The following ZNF780B variants were observed in gnomAD, a reference collection of about 807,000 sequenced individuals.
ZNF780B encodes zinc finger protein 779.
ZNF780B carries 52 observed loss-of-function variants against 74.1 expected under a neutral mutation model. The ratio of observed to expected loss-of-function variants is 0.70; its 90% CI spans 0.56 to 0.88. The LOEUF (loss-of-function observed/expected upper bound fraction) is 0.88, where lower values mean the gene tolerates loss of function less well. ZNF780B is among the 40% of genes least tolerant of loss of function. The pLI, the probability that ZNF780B is intolerant of heterozygous loss-of-function variation, is 0.00. For missense variants in ZNF780B, 953 were observed against 1,007.6 expected (o/e 0.95, Z 0.73); for synonymous variants, 315 against 324.3 (o/e 0.97, Z 0.31).
chr19:40,039,146 C>A lies in ZNF780B; in HGVS notation c.233-2520G>T, dbSNP rs1324535847. 6.8e-4 allele frequency among the ~76,000 whole-genome samples: 103 copies of A among 151,586 alleles called. No individual in the cohort carries two copies. The Middle Eastern group carries it at 0.014, about 20-fold the overall frequency. On this transcript the variant is annotated intron_variant, in intron 4 of 4. Coordinates refer to ENST00000434248, the MANE Select transcript of ZNF780B (RefSeq NM_001005851.3). ...TCTACATATGGCTAGCCAGTTTTCC[C>A]AGCACCATTTATTAAATAGGGAATC...
chr19:40,037,138 T>A (rs543824616), intron 4 of ZNF780B, among the ~76,000 whole-genome samples: 2 of 152,062 alleles, frequency 1.3e-5, no homozygotes, highest in East Asian at 3.9e-4. Flanking sequence ...TGGTCTGGAA[T>A]GCCTAACATC....
chr19:40,052,029 T>C (rs1973252171), intron 1 of ZNF780B, among the ~76,000 whole-genome samples: 1 of 152,242 alleles, frequency 6.6e-6, no homozygotes, highest in Admixed American at 6.5e-5. Flanking sequence ...TTTATAGACA[T>C]CATTTTATTA....
At chr19:40,050,497 C>T (rs1973170752) in intron 1 of ZNF780B, 120 bp from the exon 2 acceptor site, 1 of 982,880 alleles carries the variant, frequency 1.0e-6, no homozygotes, top group Non-Finnish European at 1.5e-6. Context: ...CGCACACTTC[C>T]ACCCTTCTCC....
chr19:40,037,663 A>C (rs1205562832), intron 4 of ZNF780B, among the ~76,000 whole-genome samples: 1 of 152,168 alleles, frequency 6.6e-6, no homozygotes. Flanking sequence ...TGAATGGTTT[A>C]TCTTTAGTCT....
At chr19:40,055,381 C>A (rs1003674965) in intron 1 of ZNF780B, 4 of 152,124 alleles carry the variant, frequency 2.6e-5, no homozygotes, top group African/African-American at 9.7e-5. Flanking sequence ...AAATCAAAAA[C>A]GCATTTCTTG....
intron 4 of ZNF780B, among the ~76,000 whole-genome samples, chr19:40,039,708 G>C (rs902824797): frequency 6.6e-6 from 1 of 152,182 alleles, no homozygotes; most frequent in East Asian, 1.9e-4. Flanking sequence ...TTGGCTCTCT[G>C]TTGGTCTGTT....
chr19:40,050,416 T>C, intron 1 of ZNF780B, 39 bp from the exon 2 acceptor site: 3 of 1,525,102 alleles, frequency 2.0e-6, no homozygotes, highest in Non-Finnish European at 2.7e-6. Flanking sequence ...TAAGTCAAGC[T>C]GTGTCCGAAA....
At chr19:40,050,292 C>T in intron 2 of ZNF780B, 32 bp downstream of exon 2, 1 of 1,594,480 alleles carries the variant, frequency 6.3e-7, no homozygotes. Flanking sequence ...TGAAAGTCAC[C>T]ATATTTCAAG....
chr19:40,056,194 T>C lies in ZNF780B; in HGVS notation c.-51A>G, dbSNP rs1207791599. On this transcript the variant is annotated 5_prime_UTR_variant, in exon 1 of 5. Transcript: ENST00000434248. The stretch of plus-strand genomic sequence containing the variant: ...CTAGGACGTGAAGACCTTACCCAGC[T>C]AGGTCGTCAACCCCAGGAGACAGGA... 1.3e-5 allele frequency: 2 copies of C among 152,270 alleles called. No homozygotes were observed. The highest frequency in any genetic ancestry group is 4.8e-5 in the African/African-American group (2 of 41,456). 9.4% of individuals were successfully genotyped at this position (152,270 alleles called of 1,614,324 possible). A position where few individuals can be genotyped will look rare whatever the true frequency, so the allele number is the denominator to read the frequency against.
chr19:40,047,969 A>G (rs1973012787), intron 3 of ZNF780B, among the ~76,000 whole-genome samples: 1 of 152,236 alleles, frequency 6.6e-6, no homozygotes, highest in South Asian at 2.1e-4. Context: ...GCATCCTTAG[A>G]CATTTACAGC....
chr19:40,053,558 A>G (rs1325253291), intron 1 of ZNF780B, among the ~76,000 whole-genome samples: 2 of 152,188 alleles, frequency 1.3e-5, no homozygotes, highest in Non-Finnish European at 2.9e-5. Flanking sequence ...CTACTACTGG[A>G]TATTTATCCA....
In ZNF780B at chr19:40,034,998, C is replaced by T; in HGVS notation, c.1861G>A (p.Ala621Thr). 2.5e-6 allele frequency: 4 copies of T among 1,614,022 alleles called. No homozygotes were observed. The South Asian group carries it at 3.3e-5, about 13-fold the overall frequency. The stretch of plus-strand genomic sequence containing the variant: ...TTAAGCTGGGTGTGAAGACTGAAGG[C>T]CTTGCCACATTCCTTACATTCAAAG... The part of the protein sequence containing the change: ...KPFECKECGK[A>T]FSLHTQLNHH... The change falls in exon 5 of 5, where the codon GCC becomes ACC. Residue 621 changes from alanine to threonine, a missense_variant. Ala to Thr is a moderately conservative substitution (Grantham distance 58). Coordinates refer to ENST00000434248, the MANE Select transcript of ZNF780B (RefSeq NM_001005851.3).
Position 40,050,314 on chromosome 19 carries a change from A to G in ZNF780B, c.9+10T>C, listed in dbSNP as rs1973154634. ...CACCATATTTCAAGAAGACAGAAAC[A>G]CCAACTTACATGGACCATGTTTCTA... On this transcript the variant is annotated intron_variant, in intron 2 of 4. Transcript: ENST00000434248. 1.3e-6 allele frequency: 2 copies of G among 1,596,958 alleles called. No individual in the cohort carries two copies.
At position 40,029,222 on chromosome 19, in the gene ZNF780B, T is replaced by C. The variant is rs1404722310; in HGVS notation, c.*5135A>G. 3 of 152,310 alleles carry C rather than the reference T, an allele frequency of 2.0e-5. No homozygotes were observed. Among genetic ancestry groups the C allele is most frequent in the Admixed American group, 6.5e-5 (1 of 15,286 alleles). 9.4% of individuals were successfully genotyped at this position (152,310 alleles called of 1,614,324 possible). A position where few individuals can be genotyped will look rare whatever the true frequency, so the allele number is the denominator to read the frequency against. On this transcript the variant is annotated 3_prime_UTR_variant, in exon 5 of 5. Transcript: ENST00000434248. ...ATCCCTCATACCCCAAGCTGGATGA[T>C]CACAATACCCTGTAAAAGGATGACA...
Position 40,029,991 on chromosome 19 carries a change from A to G in ZNF780B, c.*4366T>C, listed in dbSNP as rs1971962122. 1 of 152,226 alleles carries G rather than the reference A, an allele frequency of 6.6e-6. No homozygotes were observed. The highest frequency in any genetic ancestry group is 1.5e-5 in the Non-Finnish European group (1 of 68,038). 9.4% of individuals were successfully genotyped at this position (152,226 alleles called of 1,614,324 possible). ...AAACCCATCATAAATTGAAAACATC[A>G]TACACCATATGTGCATTTATGGTCT... On this transcript the variant is annotated 3_prime_UTR_variant, in exon 5 of 5. Coordinates refer to ENST00000434248, the MANE Select transcript of ZNF780B (RefSeq NM_001005851.3).
chr19:40,036,758 C>A (rs1972346349), intron 4 of ZNF780B, 132 bp from the exon 5 acceptor site: 3 of 585,770 alleles, frequency 5.1e-6, no homozygotes, highest in South Asian at 3.2e-5. Flanking sequence ...GAAAAGGGTG[C>A]CAATAATGAA....
rs761617991 is a variant in ZNF780B, at chr19:40,036,061, C to A, written c.798G>T (p.Gln266His). 6.2e-7 allele frequency: 1 copy of A among 1,613,150 alleles called. No individual in the cohort carries two copies. Among genetic ancestry groups the A allele is most frequent in the Non-Finnish European group, 8.5e-7 (1 of 1,179,604 alleles). The change falls in exon 5 of 5, where the codon CAG (glutamine) becomes CAT (histidine). Residue 266 changes from glutamine to histidine, a missense_variant. Transcript: ENST00000434248. ...TTACACCAGCATGAATACTTTGATGCTGAGTAAGGTTTGAGCTACGATTAA... is the reference window on the plus strand; with the variant it reads ...TTACACCAGCATGAATACTTTGATGATGAGTAAGGTTTGAGCTACGATTAA... ...KSFNRSSNLT[Q>H]HQSIHAGVKP...
At position 40,033,304 on chromosome 19, in the gene ZNF780B, A is replaced by G. The variant is rs902607443; in HGVS notation, c.*1053T>C. ...ACTTATTCACTGCAAGGTTGCTGCA[A>G]ACCTTCAGTGTGTATAAAATGCAGT... On this transcript the variant is annotated 3_prime_UTR_variant, in exon 5 of 5. Transcript: ENST00000434248. 6.5e-6 allele frequency: 1 copy of G among 155,004 alleles called. No homozygotes were observed. Among genetic ancestry groups the G allele is most frequent in the Admixed American group, 6.5e-5 (1 of 15,298 alleles). 9.6% of individuals were successfully genotyped at this position (155,004 alleles called of 1,614,324 possible).
chr19:40,034,492 AG>A lies in ZNF780B; in HGVS notation c.2366del (p.Ala789ValfsTer17). ...KPYECKECGK[A>X]FRLHLQLSLH... The stretch of plus-strand genomic sequence containing the variant: ...GAGAAAGTTGTAGGTGAAGTCTAAA[AG>A]CCTTCCCACACTCCTTACATTCATA... On this transcript the variant is annotated frameshift_variant, in exon 5 of 5. Coordinates refer to ENST00000434248, the MANE Select transcript of ZNF780B (RefSeq NM_001005851.3). LOFTEE classifies it high-confidence loss of function. 6.2e-7 allele frequency: 1 copy of A among 1,612,796 alleles called. No individual in the cohort carries two copies. The highest frequency in any genetic ancestry group is 2.2e-5 in the East Asian group (1 of 44,750).
Sources: gnomAD v4.1 joint callset for allele counts (sites outside exome capture counted in the v4.1 genomes callset) on GRCh38, gnomAD v4.1.1 for gene constraint, MANE v1.5 for transcripts, NCBI Gene and HGNC (gene_info 2026-07-23, HGNC 2026-07-21) for gene names.